Variants in PRKG1 observed in about 807,000 individuals in gnomAD.
PRKG1 encodes the protein cGMP-dependent protein kinase 1.
Under a neutral mutation model 88.1 loss-of-function variants are expected in PRKG1, and 35 were observed. The ratio of observed to expected loss-of-function variants is 0.40; its 90% confidence interval spans 0.30 to 0.53. PRKG1 has a LOEUF of 0.53. Ranked by LOEUF, PRKG1 falls within the 20% of genes least tolerant of loss-of-function variation. The probability of loss-of-function intolerance (pLI) is 0.59; values close to 1 mark genes in which losing one functional copy is unlikely to be tolerated. For synonymous variants in PRKG1, 303 were observed against 292.5 expected, an observed-to-expected ratio of 1.04 and a Z score of -0.37; for missense variants, 540 against 839.8, an observed-to-expected ratio of 0.64 and a Z score of 4.41.
chr10:51,190,432 A>G (rs1427346497), intron 2 of PRKG1, among the ~76,000 whole-genome samples: 1 of 151,890 alleles, frequency 6.6e-6, no homozygotes, highest in African/African-American at 2.4e-5. Context: ...TTAGCAAGGT[A>G]GATGGGTACT....
At chr10:52,092,002 TCTC>T (rs1228008154) in intron 7 of PRKG1, among the ~76,000 whole-genome samples, 2 of 152,152 alleles carry the variant, frequency 1.3e-5, no homozygotes, top group Non-Finnish European at 2.9e-5. Flanking sequence ...GGCAAAAACT[TCTC>T]CTGGGGTTAC....
intron 2 of PRKG1, among the ~76,000 whole-genome samples, chr10:51,234,986 T>C (rs1170056026): frequency 6.6e-6 from 1 of 152,208 alleles, no homozygotes; most frequent in African/African-American, 2.4e-5. Flanking sequence ...CATTAATGTT[T>C]TTGATTTTCT....
chr10:52,169,349 C>A (rs1196191329), intron 9 of PRKG1, among the ~76,000 whole-genome samples: 8 of 152,168 alleles, frequency 5.3e-5, no homozygotes, highest in African/African-American at 1.9e-4. Flanking sequence ...AATGTCTGCC[C>A]ATTTCCTGGC....
At chr10:51,505,841 T>C (rs1342266953) in intron 3 of PRKG1, among the ~76,000 whole-genome samples, 13 of 151,958 alleles carry the variant, frequency 8.6e-5, no homozygotes, top group Non-Finnish European at 1.6e-4. Context: ...TTTTATTGCG[T>C]CTATTTGATT....
intron 2 of PRKG1, among the ~76,000 whole-genome samples, chr10:51,397,160 T>C (rs1322189101): frequency 1.3e-5 from 2 of 151,624 alleles, no homozygotes; most frequent in Non-Finnish European, 2.9e-5. Flanking sequence ...CTCTAAAATT[T>C]TGTGCTCTGG....
At chr10:51,151,452 G>T (rs1255523894) in intron 1 of PRKG1, among the ~76,000 whole-genome samples, 1 of 151,836 alleles carries the variant, frequency 6.6e-6, no homozygotes, top group Non-Finnish European at 1.5e-5. Context: ...ATATCATTTT[G>T]TAGATGATAA....
At chr10:51,726,065 G>T (rs527828963) in intron 3 of PRKG1, among the ~76,000 whole-genome samples, 10 of 152,288 alleles carry the variant, frequency 6.6e-5, no homozygotes, top group African/African-American at 2.2e-4. Flanking sequence ...AAATATAGTT[G>T]ATCATGAAAG....
chr10:52,023,137 A>G (rs11816688), intron 5 of PRKG1, among the ~76,000 whole-genome samples: 52,628 of 151,688 alleles, frequency 0.35, 9,740 homozygotes, highest in South Asian at 0.44. Context: ...TCATTGTTCA[A>G]CTCCCACTTA....
chr10:52,136,275 C>CAAATGAGG (rs985066244), intron 8 of PRKG1, among the ~76,000 whole-genome samples: 1 of 151,788 alleles, frequency 6.6e-6, no homozygotes, highest in African/African-American at 2.4e-5. Flanking sequence ...AAATAGTGGG[C>CAAATGAGG]AAATGAGGAA....
chr10:51,029,516 A>G (rs1288505308), intron 1 of PRKG1, among the ~76,000 whole-genome samples: 1 of 152,084 alleles, frequency 6.6e-6, no homozygotes, highest in Non-Finnish European at 1.5e-5. Context: ...AAGTCATAAA[A>G]CTTGTGATAT....
intron 3 of PRKG1, among the ~76,000 whole-genome samples, chr10:51,700,707 A>G (rs1841443645): frequency 1.3e-5 from 2 of 152,190 alleles, no homozygotes; most frequent in South Asian, 2.1e-4. Context: ...CCAATTCTAC[A>G]CTGCCTTACG....
At chr10:51,644,226 C>T (rs7096021) in intron 3 of PRKG1, among the ~76,000 whole-genome samples, 120,648 of 152,098 alleles carry the variant, frequency 0.79, 49,324 homozygotes, top group South Asian at 0.91. Flanking sequence ...TTCTGTAAGT[C>T]GGAAGTTGGA....
At chr10:51,480,771 G>A (rs59323427) in intron 3 of PRKG1, among the ~76,000 whole-genome samples, 85,718 of 151,978 alleles carry the variant, frequency 0.56, 25,069 homozygotes, top group East Asian at 0.9. Context: ...GGGAAGATTT[G>A]TAATGTTTTT....
chr10:51,233,997 G>A (rs947113825), intron 2 of PRKG1, among the ~76,000 whole-genome samples: 1 of 152,056 alleles, frequency 6.6e-6, no homozygotes, highest in Non-Finnish European at 1.5e-5. Flanking sequence ...GCTTATCAGA[G>A]TTAGAATTGA....
intron 5 of PRKG1, among the ~76,000 whole-genome samples, chr10:51,920,602 G>T (rs539993856): frequency 6.6e-6 from 1 of 151,768 alleles, no homozygotes; most frequent in East Asian, 1.9e-4. Flanking sequence ...TCTTTATATC[G>T]CCATATAATT....
At position 51,639,692 on chromosome 10, in the gene PRKG1, TA is replaced by T. The variant is rs1839750733; in HGVS notation, c.593-164892del. On this transcript the variant is annotated intron_variant, in intron 3 of 17. Transcript: ENST00000373980. ...CCAAATCAAAGTCCATATACAGATT[TA>T]TATATAAATTATTTTATTAAGAATT... Among the ~76,000 whole-genome samples the T allele has an allele frequency of 2.0e-5, 3 of 151,078 alleles. No homozygotes were observed. In the South Asian group the frequency reaches 6.2e-4, roughly 31 times the overall value.
chr10:51,574,984 A>G (rs977617369), intron 3 of PRKG1, among the ~76,000 whole-genome samples: 13 of 151,876 alleles, frequency 8.6e-5, no homozygotes, highest in Admixed American at 3.3e-4. Context: ...ACTTTTGATA[A>G]CATTACAGAT....
intron 3 of PRKG1, among the ~76,000 whole-genome samples, chr10:51,500,872 T>C (rs570481151): frequency 3.9e-5 from 6 of 152,324 alleles, no homozygotes; most frequent in South Asian, 4.1e-4. Flanking sequence ...ATGAAAACAA[T>C]TGGAGCTGCA....
chr10:52,137,343 T>C (rs968360023), intron 8 of PRKG1, among the ~76,000 whole-genome samples: 4 of 152,058 alleles, frequency 2.6e-5, no homozygotes, highest in African/African-American at 9.7e-5. Flanking sequence ...TGCAGTGATG[T>C]CAAAATTTAT....
Sources: gnomAD v4.1 joint callset for allele counts (sites outside exome capture counted in the v4.1 genomes callset) on GRCh38, gnomAD v4.1.1 for gene constraint, MANE v1.5 for transcripts, NCBI Gene and HGNC (gene_info 2026-07-23, HGNC 2026-07-21) for gene names.